Variants in KCNMA1 observed in about 807,000 individuals in gnomAD.
KCNMA1 encodes the protein potassium calcium-activated channel subfamily M alpha 1.
Under a neutral mutation model 140.0 loss-of-function variants are expected in KCNMA1, and 29 were observed. The ratio of observed to expected loss-of-function variants is 0.21; its 90% CI spans 0.15 to 0.28. The LOEUF (loss-of-function observed/expected upper bound fraction) is 0.28, where lower values mean the gene tolerates loss of function less well. Ranked by LOEUF, KCNMA1 falls within the 10% of genes least tolerant of loss-of-function variation. The pLI is 1.00. For synonymous variants in KCNMA1, 612 were observed against 611.9 expected (o/e 1.00, Z 0.00); for missense variants, 880 against 1,602.2 (o/e 0.55, Z 7.70).
At chr10:76,954,697 A>G (rs535546626) in intron 20 of KCNMA1, among the ~76,000 whole-genome samples, 4 of 152,174 alleles carry the variant, frequency 2.6e-5, no homozygotes, top group Admixed American at 6.5e-5. Flanking sequence ...CAACTGCTGC[A>G]TATCTTAGAT....
chr10:77,229,874 G>A (rs1351747075), intron 3 of KCNMA1, among the ~76,000 whole-genome samples: 1 of 152,152 alleles, frequency 6.6e-6, no homozygotes, highest in African/African-American at 2.4e-5. Context: ...AGCCATTGTG[G>A]AAAATAGTTT....
chr10:76,933,272 G>A (rs1480620839), intron 23 of KCNMA1, among the ~76,000 whole-genome samples: 1 of 152,200 alleles, frequency 6.6e-6, no homozygotes, highest in Non-Finnish European at 1.5e-5. Context: ...ATGTATTCAT[G>A]TATCCATCCC....
chr10:76,877,924 G>A, intron 29 of KCNMA1: 1 of 1,595,930 alleles, frequency 6.3e-7, no homozygotes, highest in Non-Finnish European at 8.6e-7. Context: ...AGAACAAGAA[G>A]GAGAAATGAG....
intron 1 of KCNMA1, among the ~76,000 whole-genome samples, chr10:77,421,494 T>C (rs115185933): frequency 0.029 from 4,426 of 152,312 alleles, 91 homozygotes; most frequent in African/African-American, 0.065. Context: ...GGCTTTAGCA[T>C]ATGGTCTCTG....
intron 1 of KCNMA1, among the ~76,000 whole-genome samples, chr10:77,522,479 A>G (rs1274736989): frequency 6.6e-6 from 1 of 152,238 alleles, no homozygotes; most frequent in Non-Finnish European, 1.5e-5. Flanking sequence ...TGTCGGGAAC[A>G]GCATTTAAAG....
chr10:77,413,075 C>A lies in KCNMA1; in HGVS notation c.379-9052G>T, dbSNP rs865940723. 3.3e-5 allele frequency among the ~76,000 whole-genome samples: 5 copies of A among 152,184 alleles called. No homozygotes were observed. In the Middle Eastern group the frequency reaches 0.01, roughly 311 times the overall value. On this transcript the variant is annotated intron_variant, in intron 1 of 27. Transcript: ENST00000286628. The stretch of plus-strand genomic sequence containing the variant: ...GTTTCACCATGTTGGCCAGGCTGGT[C>A]TCAAACTTCTGACCTCAAGTGATCC...
intron 3 of KCNMA1, among the ~76,000 whole-genome samples, chr10:77,208,585 T>G (rs907991408): frequency 4.6e-5 from 7 of 152,196 alleles, no homozygotes; most frequent in African/African-American, 1.7e-4. Context: ...GAGCTATGCA[T>G]AAACCAAAGG....
At chr10:77,100,464 G>A (rs765581134) in intron 9 of KCNMA1, among the ~76,000 whole-genome samples, 1 of 152,176 alleles carries the variant, frequency 6.6e-6, no homozygotes, top group Non-Finnish European at 1.5e-5. Flanking sequence ...CCATTGTGAT[G>A]CAACACCAGT....
chr10:77,261,301 T>C (rs924404764), intron 2 of KCNMA1, among the ~76,000 whole-genome samples: 2 of 152,168 alleles, frequency 1.3e-5, no homozygotes, highest in African/African-American at 4.8e-5. Context: ...AAAACTTGAC[T>C]CATGCAGATA....
At chr10:77,162,839 T>A (rs1342071502) in intron 5 of KCNMA1, among the ~76,000 whole-genome samples, 1 of 152,184 alleles carries the variant, frequency 6.6e-6, no homozygotes, top group Non-Finnish European at 1.5e-5. Flanking sequence ...TATCTAGAAA[T>A]CTCCAATTAA....
chr10:77,637,177 C>T lies in KCNMA1; in HGVS notation c.378+88G>A, dbSNP rs952245531. 2.3e-6 allele frequency: 3 copies of T among 1,323,874 alleles called. No homozygotes were observed. In the African/African-American group the frequency reaches 4.4e-5, roughly 19 times the overall value. The allele number at this position is 1,323,874 out of a possible 1,614,324, so 82.0% of individuals were successfully genotyped here. A position where few individuals can be genotyped will look rare whatever the true frequency, so the allele number is the denominator to read the frequency against. On this transcript the variant is annotated intron_variant, in intron 1 of 27. Coordinates refer to ENST00000286628, the MANE Select transcript of KCNMA1 (RefSeq NM_001161352.2). Reference sequence around the variant, plus strand: ...CAGGCGGGGATGGAGGGAGGCACGGCGCGGCGCGGAGCGAGGAGGTGGGCT... The same window carrying T: ...CAGGCGGGGATGGAGGGAGGCACGGTGCGGCGCGGAGCGAGGAGGTGGGCT...
intron 1 of KCNMA1, among the ~76,000 whole-genome samples, chr10:77,516,538 G>A (rs954308198): frequency 6.6e-6 from 1 of 152,216 alleles, no homozygotes; most frequent in African/African-American, 2.4e-5. Flanking sequence ...CATGGTAGGT[G>A]CACAGTAAAC....
chr10:76,971,162 TA>T (rs1441406731), intron 19 of KCNMA1, among the ~76,000 whole-genome samples: 4 of 152,164 alleles, frequency 2.6e-5, no homozygotes, highest in Non-Finnish European at 4.4e-5. Flanking sequence ...TTTGGATTCT[TA>T]TAGTTGACTG....
At chr10:77,139,426 G>A (rs771963888) in intron 5 of KCNMA1, among the ~76,000 whole-genome samples, 2 of 152,188 alleles carry the variant, frequency 1.3e-5, no homozygotes, top group Non-Finnish European at 2.9e-5. Flanking sequence ...AGGCATTTCA[G>A]CTGACAGAAA....
chr10:77,190,344 G>C (rs1228692672), intron 3 of KCNMA1, among the ~76,000 whole-genome samples: 1 of 152,164 alleles, frequency 6.6e-6, no homozygotes, highest in Non-Finnish European at 1.5e-5. Context: ...GCAGAATAAA[G>C]TAGATATTGT....
intron 1 of KCNMA1, among the ~76,000 whole-genome samples, chr10:77,506,596 A>AGTGTGT (rs796386759): frequency 5.5e-4 from 46 of 83,488 alleles, no homozygotes; most frequent in Admixed American, 7.4e-4. Flanking sequence ...AGAGAGAGAG[A>AGTGTGT]GTGTGTGTGT....
intron 1 of KCNMA1, among the ~76,000 whole-genome samples, chr10:77,426,172 C>G (rs2096985006): frequency 6.6e-6 from 1 of 152,142 alleles, no homozygotes; most frequent in Non-Finnish European, 1.5e-5. Flanking sequence ...ATATTTATGG[C>G]CCCTGAAATA....
intron 5 of KCNMA1, among the ~76,000 whole-genome samples, chr10:77,147,284 G>A (rs1391754355): frequency 1.3e-5 from 2 of 152,176 alleles, no homozygotes; most frequent in Admixed American, 6.5e-5. Flanking sequence ...CTCTTATTAA[G>A]TTTGGGAACT....
At chr10:77,297,893 G>A (rs536318517) in intron 2 of KCNMA1, among the ~76,000 whole-genome samples, 15 of 152,186 alleles carry the variant, frequency 9.9e-5, no homozygotes, top group Non-Finnish European at 2.1e-4. Context: ...AGACCTGTGT[G>A]ATAACTGGCC....
Sources: gnomAD v4.1 joint callset for allele counts (sites outside exome capture counted in the v4.1 genomes callset) on GRCh38, gnomAD v4.1.1 for gene constraint, MANE v1.5 for transcripts, NCBI Gene and HGNC (gene_info 2026-07-23, HGNC 2026-07-21) for gene names.